Variants in MEGF11 observed in about 807,000 individuals in gnomAD.
MEGF11 encodes the protein multiple epidermal growth factor-like domains protein 11.
A neutral mutation model predicts 146.6 loss-of-function variants in MEGF11; 126 were observed. That is an observed-to-expected ratio of 0.86 (90% CI 0.74 to 1.00). The LOEUF (loss-of-function observed/expected upper bound fraction) is 1.00. Among genes scored for constraint, MEGF11 ranks in the 50% least tolerant of loss-of-function variants. MEGF11 has a pLI of 0.00. For missense variants in MEGF11, 1,509 were observed against 1,521.2 expected (o/e 0.99, Z 0.13); for synonymous variants, 532 against 583.4 (o/e 0.91, Z 1.27).
At chr15:66,187,758 C>T (rs1388209158) in intron 1 of MEGF11, among the ~76,000 whole-genome samples, 2 of 149,750 alleles carry the variant, frequency 1.3e-5, no homozygotes, top group Non-Finnish European at 2.9e-5. Flanking sequence ...AGTCCATTTC[C>T]ATGTACGATT....
chr15:65,962,953 C>T (rs2080916912), intron 9 of MEGF11, among the ~76,000 whole-genome samples: 1 of 152,122 alleles, frequency 6.6e-6, no homozygotes, highest in African/African-American at 2.4e-5. Flanking sequence ...CTGAGATTAG[C>T]GGGAGAGAAG....
intron 1 of MEGF11, among the ~76,000 whole-genome samples, chr15:66,152,051 C>T (rs62009880): frequency 0.022 from 3,355 of 152,366 alleles, 67 homozygotes; most frequent in Middle Eastern, 0.034. Context: ...CCAGCCTCGG[C>T]GCCTCTCCTC....
chr15:65,997,114 G>A (rs1339272673), intron 5 of MEGF11, among the ~76,000 whole-genome samples: 1 of 152,250 alleles, frequency 6.6e-6, no homozygotes, highest in Non-Finnish European at 1.5e-5. Context: ...GGAGCTCCCA[G>A]CTGGGTCTGC....
intron 1 of MEGF11, among the ~76,000 whole-genome samples, chr15:66,240,525 T>C (rs1354441447): frequency 2.0e-5 from 3 of 152,252 alleles, no homozygotes; most frequent in Non-Finnish European, 4.4e-5. Flanking sequence ...AATACGCCCA[T>C]GGGGACTGGC....
At chr15:65,939,777 G>A (rs2079918381) in intron 10 of MEGF11, among the ~76,000 whole-genome samples, 1 of 152,174 alleles carries the variant, frequency 6.6e-6, no homozygotes, top group Admixed American at 6.5e-5. Flanking sequence ...ACAGGCGTGA[G>A]CCACCGTGCC....
intron 7 of MEGF11, among the ~76,000 whole-genome samples, chr15:65,980,395 C>CTTTTTTTTTTTTTTTTTTTTTTT (rs60154748): frequency 1.1e-5 from 1 of 88,184 alleles, no homozygotes; most frequent in Admixed American, 1.6e-4. Flanking sequence ...AAGAATTCAG[C>CTTTTTTTTTTTTTTTTTTTTTTT]TTTTTTTTTT....
chr15:66,124,078 C>T, intron 2 of MEGF11, 78 bp from the exon 3 acceptor site: 1 of 1,201,672 alleles, frequency 8.3e-7, no homozygotes, highest in Non-Finnish European at 1.2e-6. Context: ...CATCTGAGCC[C>T]ACAGCCCTGA....
chr15:66,042,362 G>A (rs750289743), intron 5 of MEGF11, among the ~76,000 whole-genome samples: 10 of 151,938 alleles, frequency 6.6e-5, no homozygotes, highest in Non-Finnish European at 1.3e-4. Flanking sequence ...TGCCCACTTC[G>A]GCCTCCCAAA....
Position 66,253,746 on chromosome 15 carries a change from C to G in MEGF11, c.-150G>C, listed in dbSNP as rs968840538. 2.0e-5 allele frequency: 3 copies of G among 152,356 alleles called. No homozygotes were observed. The East Asian group carries it at 5.8e-4, about 30-fold the overall frequency. The allele number at this position is 152,356 out of a possible 1,614,324, so 9.4% of individuals were successfully genotyped here. Reference sequence around the variant, plus strand: ...GGCGGCGGGCAGCGGGCACCGGGAGCGACTGAGCGAGCGAGCGAGCGGGCG... The same window carrying G: ...GGCGGCGGGCAGCGGGCACCGGGAGGGACTGAGCGAGCGAGCGAGCGGGCG... On this transcript the variant is annotated 5_prime_UTR_variant, in exon 1 of 26. Transcript: ENST00000395614.
intron 24 of MEGF11, among the ~76,000 whole-genome samples, chr15:65,904,888 G>A (rs1177442235): frequency 6.6e-6 from 1 of 152,178 alleles, no homozygotes; most frequent in African/African-American, 2.4e-5. Flanking sequence ...TGTCATATCT[G>A]TTTGGCTTAA....
rs2078739855 is a variant in MEGF11, at chr15:65,909,771, G to A, written c.2865C>T (p.Gly955=). 6.3e-7 allele frequency: 1 copy of A among 1,585,544 alleles called. No individual in the cohort carries two copies. The highest frequency in any genetic ancestry group is 8.5e-7 in the Non-Finnish European group (1 of 1,173,572). The part of the protein sequence containing the change: ...SNKSLDRDTA[G]WTPYSYVNVL... The stretch of plus-strand genomic sequence containing the variant: ...CGTTCACATAGCTGTAGGGGGTCCA[G>A]CCTGCTGTGTCTCTGTCAAGGGACT... The change falls in exon 22 of 26, where the codon GGC becomes GGT. Residue 955 remains glycine (G), a synonymous_variant. Coordinates refer to ENST00000395614, the MANE Select transcript of MEGF11 (RefSeq NM_001385028.1).
At chr15:66,070,082 G>A (rs930445609) in intron 5 of MEGF11, among the ~76,000 whole-genome samples, 1 of 152,216 alleles carries the variant, frequency 6.6e-6, no homozygotes, top group African/African-American at 2.4e-5. Context: ...AGTCTGGGGA[G>A]GACAATCAGG....
chr15:66,167,698 T>C (rs1287952536), intron 1 of MEGF11, among the ~76,000 whole-genome samples: 1 of 151,864 alleles, frequency 6.6e-6, no homozygotes, highest in African/African-American at 2.4e-5. Context: ...AGAAGGCCCA[T>C]GGATAGAGAG....
At chr15:66,076,681 G>C (rs937484731) in intron 5 of MEGF11, among the ~76,000 whole-genome samples, 1 of 152,194 alleles carries the variant, frequency 6.6e-6, no homozygotes, top group Non-Finnish European at 1.5e-5. Context: ...GCTGTACCAG[G>C]ATATCTCCCT....
In MEGF11 at chr15:65,906,148, A is replaced by G; in HGVS notation, c.2999-7T>C. 6.2e-7 allele frequency: 1 copy of G among 1,605,672 alleles called. No homozygotes were observed. The highest frequency in any genetic ancestry group is 8.5e-7 in the Non-Finnish European group (1 of 1,175,334). On this transcript the variant is annotated splice_polypyrimidine_tract_variant and splice_region_variant and intron_variant, in intron 23 of 25. Transcript: ENST00000395614. Reference sequence around the variant, plus strand: ...CTATCCATTCCACAAGCACCTGTGTAAAAATAACATGTAAGGAAAGAAAAT... The same window carrying G: ...CTATCCATTCCACAAGCACCTGTGTGAAAATAACATGTAAGGAAAGAAAAT...
At chr15:66,164,432 C>T (rs11635982) in intron 1 of MEGF11, among the ~76,000 whole-genome samples, 26,268 of 152,054 alleles carry the variant, frequency 0.17, 2,417 homozygotes, top group East Asian at 0.39. Flanking sequence ...GAATATTAAA[C>T]CAAGAGTTAG....
chr15:65,902,111 A>C (rs74847923), intron 24 of MEGF11: 9,515 of 152,356 alleles, frequency 0.062, 356 homozygotes, highest in Middle Eastern at 0.099. Context: ...AAAAAGGCTA[A>C]GCTCTTAAGT....
chr15:66,208,915 C>A (rs2091371136), intron 1 of MEGF11, among the ~76,000 whole-genome samples: 1 of 151,848 alleles, frequency 6.6e-6, no homozygotes, highest in Non-Finnish European at 1.5e-5. Flanking sequence ...AAAACATGTC[C>A]CAGCTAGAGT....
At chr15:66,122,391 A>T (rs1441770767) in intron 3 of MEGF11, among the ~76,000 whole-genome samples, 2 of 152,244 alleles carry the variant, frequency 1.3e-5, no homozygotes, top group African/African-American at 4.8e-5. Flanking sequence ...AATGTCTCAC[A>T]GCCAGTTAGT....
Sources: allele counts gnomAD v4.1 joint callset (sites outside exome capture counted in the v4.1 genomes callset), GRCh38; gene constraint gnomAD v4.1.1; transcripts MANE v1.5; gene names NCBI Gene and HGNC (gene_info 2026-07-23, HGNC 2026-07-21).